Variants in SYT14 observed in about 807,000 individuals in gnomAD.
SYT14 encodes synaptotagmin-14.
In SYT14, 32 loss-of-function variants were observed where a neutral mutation model predicts 74.2. The observed-to-expected ratio is 0.43, with a 90% CI of 0.33 to 0.58. The LOEUF (loss-of-function observed/expected upper bound fraction) is 0.58, where lower values mean the gene tolerates loss of function less well. Ranked by LOEUF, SYT14 falls within the 20% of genes least tolerant of loss-of-function variation. SYT14 has a pLI of 0.05. For synonymous variants in SYT14, 298 were observed against 337.7 expected, an observed-to-expected ratio of 0.88 and a Z score of 1.29; for missense variants, 791 against 981.8, an observed-to-expected ratio of 0.81 and a Z score of 2.60.
At chr1:210,160,759 C>T in exon 10 of SYT14, 1 of 1,613,868 alleles carries the variant, frequency 6.2e-7, no homozygotes, top group African/African-American at 1.3e-5. Context: ...CTACTGAATT[C>T]CATGGGTCAA....
intron 2 of SYT14, among the ~76,000 whole-genome samples, chr1:209,974,037 C>T (rs12143780): frequency 0.46 from 69,013 of 151,362 alleles, 17,007 homozygotes; most frequent in Non-Finnish European, 0.56. Flanking sequence ...TCATATCCTT[C>T]GCCCACTTTT....
intron 2 of SYT14, among the ~76,000 whole-genome samples, chr1:209,997,481 T>G (rs1351464831): frequency 6.6e-6 from 1 of 151,978 alleles, no homozygotes; most frequent in African/African-American, 2.4e-5. Flanking sequence ...ATGATACAAA[T>G]AGAAAACACT....
intron 5 of SYT14, among the ~76,000 whole-genome samples, chr1:210,034,078 C>G (rs1188245341): frequency 2.0e-5 from 3 of 151,758 alleles, no homozygotes; most frequent in African/African-American, 7.2e-5. Context: ...GTGGTAAACA[C>G]TATTGTAAAC....
chr1:209,978,752 G>C (rs549649366), intron 2 of SYT14, among the ~76,000 whole-genome samples: 1 of 152,348 alleles, frequency 6.6e-6, no homozygotes, highest in East Asian at 1.9e-4. Flanking sequence ...TGACATTTAA[G>C]TCTGCAGAGG....
At chr1:209,964,268 A>C (rs2079120907) in intron 2 of SYT14, among the ~76,000 whole-genome samples, 1 of 152,164 alleles carries the variant, frequency 6.6e-6, no homozygotes, top group African/African-American at 2.4e-5. Context: ...TTCTGCAATG[A>C]TTTTAAGTTT....
intron 5 of SYT14, among the ~76,000 whole-genome samples, chr1:210,075,342 GTT>G (rs33985042): frequency 1.1e-4 from 14 of 127,646 alleles, no homozygotes; most frequent in East Asian, 4.7e-4. Flanking sequence ...TCGAGGGTTT[GTT>G]TTTTTTTTTT....
chr1:210,012,359 A>G (rs865867272), intron 2 of SYT14, among the ~76,000 whole-genome samples: 4 of 152,330 alleles, frequency 2.6e-5, no homozygotes, highest in Middle Eastern at 6.8e-3. Context: ...TGTTTATATA[A>G]CAATGCCTGG....
At chr1:210,016,487 G>A in exon 4 of SYT14, 1 of 1,231,996 alleles carries the variant, frequency 8.1e-7, no homozygotes, top group South Asian at 4.1e-5. Flanking sequence ...TACAAGGGCT[G>A]GATCTATTTG....
At chr1:209,988,734 A>C (rs1003124137) in intron 2 of SYT14, among the ~76,000 whole-genome samples, 1 of 152,210 alleles carries the variant, frequency 6.6e-6, no homozygotes, top group Non-Finnish European at 1.5e-5. Context: ...GATCTTCAGA[A>C]TAGTCCCCAT....
chr1:210,101,978 G>C (rs2082075876), intron 7 of SYT14, among the ~76,000 whole-genome samples: 1 of 152,108 alleles, frequency 6.6e-6, no homozygotes, highest in African/African-American at 2.4e-5. Context: ...ATTTTTTAAT[G>C]GACCTACATT....
exon 7 of SYT14, chr1:210,100,152 A>G (rs1342839902): frequency 1.9e-6 from 3 of 1,614,122 alleles, no homozygotes; most frequent in Admixed American, 1.7e-5. Context: ...CAGCTGTCAC[A>G]GACATCCCAA....
At chr1:210,156,683 CTTTTTTTTTTTT>C (rs71146208) in intron 8 of SYT14, among the ~76,000 whole-genome samples, 1,446 of 56,072 alleles carry the variant, frequency 0.026, 53 homozygotes, top group African/African-American at 0.089. Context: ...GTGGCAGCTT[CTTTTTTTTTTTT>C]TTTTTTTTTT....
chr1:209,996,778 G>A (rs951769868), intron 2 of SYT14, among the ~76,000 whole-genome samples: 3 of 152,130 alleles, frequency 2.0e-5, no homozygotes, highest in African/African-American at 7.2e-5. Context: ...TGATTAAGTA[G>A]CCTTCTTTCC....
intron 5 of SYT14, among the ~76,000 whole-genome samples, chr1:210,041,042 C>A (rs929742299): frequency 2.6e-5 from 4 of 152,104 alleles, no homozygotes; most frequent in African/African-American, 9.7e-5. Context: ...GTAAAGGCTG[C>A]AGTTACCATA....
intron 5 of SYT14, among the ~76,000 whole-genome samples, chr1:210,034,631 C>T (rs1018911847): frequency 3.4e-4 from 52 of 151,650 alleles, no homozygotes; most frequent in Non-Finnish European, 5.9e-5. Flanking sequence ...TCTGTTATTC[C>T]ACTCTCTATG....
chr1:209,956,202 A>G (rs1449947315), intron 2 of SYT14, among the ~76,000 whole-genome samples: 1 of 152,012 alleles, frequency 6.6e-6, no homozygotes, highest in Admixed American at 6.6e-5. Context: ...CCTAGAAAAG[A>G]TTTTTCTGCT....
intron 2 of SYT14, among the ~76,000 whole-genome samples, chr1:209,974,281 T>G (rs2079315555): frequency 6.6e-6 from 1 of 152,190 alleles, no homozygotes; most frequent in Non-Finnish European, 1.5e-5. Context: ...CATGAAGTCC[T>G]TGCCCATGCC....
rs374318346 is a variant in SYT14 at position 210,071,468 on chromosome 1, CAT to C, written c.1313-22853_1313-22852del. 7.8e-4 allele frequency among the ~76,000 whole-genome samples: 118 copies of C among 151,944 alleles called. 1 individual carries two copies. The East Asian group carries it at 0.021, about 27-fold the overall frequency. ...ATATAATTCCTGTGAATTGTTATGT[CAT>C]GTGAAGTTTCTTATTATTTATGTGG... On this transcript the variant is annotated intron_variant, in intron 5 of 9. Transcript: ENST00000637265.
At chr1:209,942,490 A>G (rs1558082589) in intron 1 of SYT14, among the ~76,000 whole-genome samples, 1 of 151,996 alleles carries the variant, frequency 6.6e-6, no homozygotes, top group East Asian at 1.9e-4. Context: ...TTGATAACTA[A>G]GTCCTGCCAA....
Sources: gnomAD v4.1 joint callset for allele counts (sites outside exome capture counted in the v4.1 genomes callset) on GRCh38, gnomAD v4.1.1 for gene constraint, MANE v1.5 for transcripts, NCBI Gene and HGNC (gene_info 2026-07-23, HGNC 2026-07-21) for gene names.